The following POSTN variants were observed in gnomAD, a reference collection of about 807,000 sequenced individuals.
The protein encoded by POSTN is osteoblast specific factor 2 (fasciclin I-like).
In POSTN, 71 loss-of-function variants were observed where a neutral mutation model predicts 104.5. The ratio of observed to expected loss-of-function variants is 0.68; its 90% CI spans 0.56 to 0.83. POSTN has a LOEUF of 0.83. Ranked by LOEUF, POSTN falls within the 40% of genes least tolerant of loss-of-function variation. The probability of loss-of-function intolerance (pLI) is 0.00; values close to 1 mark genes in which losing one functional copy is unlikely to be tolerated. For synonymous variants in POSTN, 355 were observed against 340.7 expected (o/e 1.04, Z -0.46); for missense variants, 949 against 1,006.8 (o/e 0.94, Z 0.78).
At chr13:37,591,749 A>G (rs1950940768) in intron 3 of POSTN, among the ~76,000 whole-genome samples, 1 of 152,178 alleles carries the variant, frequency 6.6e-6, no homozygotes, top group South Asian at 2.1e-4. Flanking sequence ...ATATTATAAA[A>G]TCAGAGCTGT....
intron 2 of POSTN, among the ~76,000 whole-genome samples, chr13:37,594,429 T>A (rs1951027652): frequency 6.6e-6 from 1 of 152,076 alleles, no homozygotes. Flanking sequence ...TCTGAGCGGA[T>A]ATTTTGAAAA....
chr13:37,586,966 A>AGTGCT (rs750907917), intron 5 of POSTN, 38 bp from the exon 6 acceptor site: 39 of 1,601,776 alleles, frequency 2.4e-5, no homozygotes, highest in Middle Eastern at 1.7e-4. Context: ...CTGAAACCAG[A>AGTGCT]GATACCCATT....
At chr13:37,571,028 T>C (rs1054282857) in intron 18 of POSTN, 10 of 294,384 alleles carry the variant, frequency 3.4e-5, no homozygotes, top group Admixed American at 9.6e-5. Flanking sequence ...CAGAGACTTA[T>C]ACAATGGTCA....
chr13:37,582,153 A>G (rs1950609031), intron 10 of POSTN, among the ~76,000 whole-genome samples: 1 of 152,200 alleles, frequency 6.6e-6, no homozygotes, highest in South Asian at 2.1e-4. Flanking sequence ...TTCATAATGA[A>G]ACACATGCAA....
Position 37,597,346 on chromosome 13 carries a change from A to G in POSTN, c.120-64T>C, listed in dbSNP as rs1048599171. On this transcript the variant is annotated intron_variant, in intron 1 of 22. Transcript: ENST00000379747. The stretch of plus-strand genomic sequence containing the variant: ...ATAATGACTAGTTTTTCGTATCTAA[A>G]GATTGGTTGATAGAAGAAAATGTTG... 7 of 1,035,694 alleles carry G rather than the reference A, an allele frequency of 6.8e-6. No individual in the cohort carries two copies. The South Asian group carries it at 1.1e-4, about 16-fold the overall frequency. The allele number at this position is 1,035,694 out of a possible 1,614,324, so 64.2% of individuals were successfully genotyped here.
chr13:37,569,418 TA>T, intron 20 of POSTN, 35 bp from the exon 21 acceptor site: 1 of 1,508,906 alleles, frequency 6.6e-7, no homozygotes, highest in Non-Finnish European at 9.2e-7. Context: ...GAAATTGGTT[TA>T]TATAACAAAA....
rs1245615365 is a variant in POSTN, at chr13:37,563,485, T to G, written c.2474-115A>C. On this transcript the variant is annotated intron_variant, in intron 22 of 22. Coordinates refer to ENST00000379747, the MANE Select transcript of POSTN (RefSeq NM_006475.3). ...GGCCATTATTTTTTGTAATAAACCT[T>G]AGATTATGTTTTCTTAATATCTTCA... The G allele has an allele frequency of 2.7e-5, 13 of 475,890 alleles. 1 individual carries two copies. The highest frequency in any genetic ancestry group is 1.2e-3 in the Middle Eastern group (2 of 1,734). The allele number at this position is 475,890 out of a possible 1,614,324, so 29.5% of individuals were successfully genotyped here. A position where few individuals can be genotyped will look rare whatever the true frequency, so the allele number is the denominator to read the frequency against.
rs759517167 is a variant in POSTN, at chr13:37,579,064, T to C, written c.1849A>G (p.Thr617Ala). The C allele has an allele frequency of 1.2e-6, 2 of 1,613,476 alleles. No individual in the cohort carries two copies. The highest frequency in any genetic ancestry group is 1.7e-5 in the Admixed American group (1 of 60,006). The change falls in exon 14 of 23, where the codon ACA becomes GCA. Residue 617 changes from threonine (T) to alanine (A), a missense_variant. Physicochemically the swap from Thr to Ala is moderately conservative, Grantham distance 58. Transcript: ENST00000379747. ...TCTACAACATGAATTACACCATTTGTTGTCATGATGTCAGATTCTTTTGAT... is the reference window on the plus strand; with the variant it reads ...TCTACAACATGAATTACACCATTTGCTGTCATGATGTCAGATTCTTTTGAT... ...LKSKESDIMT[T>A]NGVIHVVDKL...
rs980001131 is a variant in POSTN at position 37,582,230 on chromosome 13, G to A, written c.1392+136C>T. 8 of 973,926 alleles carry A rather than the reference G, an allele frequency of 8.2e-6. No individual in the cohort carries two copies. In the East Asian group the frequency reaches 2.1e-4, roughly 26 times the overall value. The allele number at this position is 973,926 out of a possible 1,614,324, so 60.3% of individuals were successfully genotyped here. A position where few individuals can be genotyped will look rare whatever the true frequency, so the allele number is the denominator to read the frequency against. On this transcript the variant is annotated intron_variant, in intron 10 of 22. Transcript: ENST00000379747. The stretch of plus-strand genomic sequence containing the variant: ...CTTTGCTCACAGTCTTTTCACCCAA[G>A]CTACCCAGTTCCCTGATGCTTCTAT...
chr13:37,598,538 A>G, intron 1 of POSTN, 70 bp downstream of exon 1: 1 of 1,431,340 alleles, frequency 7.0e-7, no homozygotes, highest in Non-Finnish European at 9.6e-7. Context: ...GAGAAACTTT[A>G]TGCATACTTG....
intron 16 of POSTN, among the ~76,000 whole-genome samples, chr13:37,577,100 A>G (rs922130915): frequency 3.3e-5 from 5 of 152,182 alleles, no homozygotes; most frequent in African/African-American, 9.6e-5. Flanking sequence ...AAACAGAGAA[A>G]AAGCCATGAT....
chr13:37,567,531 G>A (rs1252323147), intron 21 of POSTN, among the ~76,000 whole-genome samples: 2 of 152,136 alleles, frequency 1.3e-5, no homozygotes, highest in Non-Finnish European at 2.9e-5. Context: ...GCTGGTACTA[G>A]TAATTCTACC....
At chr13:37,569,844 G>C in intron 19 of POSTN, 23 bp from the exon 20 acceptor site, 2 of 1,523,342 alleles carry the variant, frequency 1.3e-6, no homozygotes, top group East Asian at 2.3e-5. Flanking sequence ...CAATGAAAAA[G>C]GTCTAAAACA....
At chr13:37,567,336 A>T (rs1424844975) in intron 21 of POSTN, among the ~76,000 whole-genome samples, 1 of 151,382 alleles carries the variant, frequency 6.6e-6, no homozygotes, top group East Asian at 1.9e-4. Context: ...TGAGTTGAAG[A>T]GCATGGTTCA....
chr13:37,597,210 A>G lies in POSTN; in HGVS notation c.192T>C (p.Tyr64=). Residue 64 remains tyrosine (Y), a synonymous_variant, in exon 2 of 23, where the codon TAT becomes TAC. Transcript: ENST00000379747. ...TTTTCTGTCCACAGATGGACTTTTT[A>G]TACCAGTTCTTACAAGTGCTGAAGT... ...KKYFSTCKNW[Y]KKSICGQKTT... is the part of the protein sequence containing the mutation. 1.3e-6 allele frequency: 2 copies of G among 1,575,080 alleles called. No individual in the cohort carries two copies. Among genetic ancestry groups the G allele is most frequent in the Non-Finnish European group, 1.7e-6 (2 of 1,166,470 alleles).
intron 4 of POSTN, among the ~76,000 whole-genome samples, chr13:37,589,750 A>G (rs1035709225): frequency 2.6e-5 from 4 of 152,222 alleles, no homozygotes; most frequent in Non-Finnish European, 4.4e-5. Flanking sequence ...CACTCTAGTA[A>G]TAATTATCAA....
chr13:37,584,619 G>A, intron 8 of POSTN, 97 bp downstream of exon 8: 1 of 992,576 alleles, frequency 1.0e-6, no homozygotes. Flanking sequence ...TCTTTATACT[G>A]CACATTCATT....
chr13:37,563,708 T>C (rs933452356), intron 22 of POSTN, among the ~76,000 whole-genome samples: 1 of 152,062 alleles, frequency 6.6e-6, no homozygotes, highest in African/African-American at 2.4e-5. Flanking sequence ...TGGTTTAAAG[T>C]AAGAAGTTCC....
Position 37,578,999 on chromosome 13 carries a change from T to A in POSTN, c.1894+20A>T, listed in dbSNP as rs1373641840. The A allele has an allele frequency of 1.2e-6, 2 of 1,607,280 alleles. No individual in the cohort carries two copies. Among genetic ancestry groups the A allele is most frequent in the African/African-American group, 1.3e-5 (1 of 74,564 alleles). On this transcript the variant is annotated intron_variant, in intron 14 of 22. Coordinates refer to ENST00000379747, the MANE Select transcript of POSTN (RefSeq NM_006475.3). ...ATTAAAAAAAGACTTAGCCTATCAA[T>A]GAGTTCAATAATTACAAACCTGCTG...
Sources: gnomAD v4.1 joint callset for allele counts (sites outside exome capture counted in the v4.1 genomes callset) on GRCh38, gnomAD v4.1.1 for gene constraint, MANE v1.5 for transcripts, NCBI Gene and HGNC (gene_info 2026-07-23, HGNC 2026-07-21) for gene names.